Variants in PEX7 observed in about 807,000 individuals in gnomAD.
The protein encoded by PEX7 is PTS2 receptor.
PEX7 carries 34 observed loss-of-function variants against 47.5 expected under a neutral mutation model. The ratio of observed to expected loss-of-function variants is 0.72; its 90% CI spans 0.54 to 0.95. The LOEUF is 0.95. Ranked by LOEUF, PEX7 falls within the 40% of genes least tolerant of loss-of-function variation. The pLI is 0.00. For missense variants in PEX7, 394 were observed against 400.3 expected (o/e 0.98, Z 0.13); for synonymous variants, 141 against 148.8 (o/e 0.95, Z 0.38).
intron 5 of PEX7, among the ~76,000 whole-genome samples, chr6:136,847,059 T>C (rs1270854999): frequency 6.6e-6 from 1 of 152,246 alleles, no homozygotes; most frequent in Admixed American, 6.5e-5. Context: ...TGGTATCTCA[T>C]TGTGGTTTTG....
At chr6:136,873,104 A>T (rs1775210180) in intron 8 of PEX7, among the ~76,000 whole-genome samples, 1 of 152,020 alleles carries the variant, frequency 6.6e-6, no homozygotes, top group Non-Finnish European at 1.5e-5. Context: ...ATCCTTGTTG[A>T]TTTTGTCTAG....
At chr6:136,876,515 A>G (rs1042073254) in intron 8 of PEX7, among the ~76,000 whole-genome samples, 18 of 151,890 alleles carry the variant, frequency 1.2e-4, no homozygotes, top group East Asian at 9.7e-4. Context: ...AAAGGCCCCA[A>G]TGTGTGGTGT....
intron 8 of PEX7, among the ~76,000 whole-genome samples, chr6:136,881,186 A>T (rs1033850770): frequency 6.6e-6 from 1 of 152,326 alleles, no homozygotes; most frequent in Middle Eastern, 3.4e-3. Context: ...GAGGGAGTTC[A>T]TGTTGGAAAG....
chr6:136,875,935 C>T (rs1775262766), intron 8 of PEX7, among the ~76,000 whole-genome samples: 1 of 152,094 alleles, frequency 6.6e-6, no homozygotes, highest in South Asian at 2.1e-4. Context: ...TATGCCTTGT[C>T]TCATATCAGA....
chr6:136,911,526 C>T (rs1425830749), intron 9 of PEX7, among the ~76,000 whole-genome samples: 1 of 152,092 alleles, frequency 6.6e-6, no homozygotes, highest in African/African-American at 2.4e-5. Flanking sequence ...CCACCTCAGC[C>T]TCCCTAGTAG....
intron 5 of PEX7, among the ~76,000 whole-genome samples, chr6:136,864,315 T>TA (rs3041780): frequency 2.6e-5 from 4 of 150,990 alleles, no homozygotes; most frequent in Admixed American, 6.6e-5. Flanking sequence ...TTTTTTCTCA[T>TA]AAAAAAAAAA....
At chr6:136,872,369 G>T in intron 8 of PEX7, 116 bp downstream of exon 8, 1 of 780,540 alleles carries the variant, frequency 1.3e-6, no homozygotes, top group Non-Finnish European at 2.1e-6. Context: ...TCTGAGATGG[G>T]TACATTTAAA....
intron 8 of PEX7, among the ~76,000 whole-genome samples, chr6:136,895,364 A>G (rs1382994103): frequency 6.6e-6 from 1 of 152,188 alleles, no homozygotes; most frequent in African/African-American, 2.4e-5. Flanking sequence ...GTATTTAACA[A>G]TATTTTTGAT....
intron 5 of PEX7, among the ~76,000 whole-genome samples, chr6:136,852,879 C>G (rs1181908387): frequency 3.9e-5 from 4 of 102,546 alleles, no homozygotes; most frequent in Non-Finnish European, 2.0e-5. Flanking sequence ...AAGAACAAAG[C>G]TGGAGGCATC....
chr6:136,839,722 T>C (rs1774460962), intron 3 of PEX7, among the ~76,000 whole-genome samples: 1 of 152,208 alleles, frequency 6.6e-6, no homozygotes, highest in African/African-American at 2.4e-5. Flanking sequence ...ATAGAAGATG[T>C]GCTTTTCATT....
chr6:136,908,539 A>C (rs1415951350), intron 9 of PEX7, among the ~76,000 whole-genome samples: 1 of 152,144 alleles, frequency 6.6e-6, no homozygotes, highest in Non-Finnish European at 1.5e-5. Flanking sequence ...TAGGGATGAA[A>C]TGTACCACAG....
intron 3 of PEX7, among the ~76,000 whole-genome samples, chr6:136,840,938 C>T (rs1562732605): frequency 6.6e-6 from 1 of 152,088 alleles, no homozygotes; most frequent in African/African-American, 2.4e-5. Context: ...CTGCCCTTGT[C>T]ATTATTTTCT....
intron 1 of PEX7, among the ~76,000 whole-genome samples, chr6:136,824,051 C>T (rs1309755792): frequency 1.3e-5 from 2 of 152,118 alleles, no homozygotes; most frequent in African/African-American, 2.4e-5. Context: ...TTTTGTCCTA[C>T]AGCAGAAAAA....
chr6:136,847,438 G>T (rs1429346865), intron 5 of PEX7, among the ~76,000 whole-genome samples: 1 of 151,862 alleles, frequency 6.6e-6, no homozygotes, highest in African/African-American at 2.4e-5. Flanking sequence ...GTCCTGAATG[G>T]TATTGCCTAG....
intron 7 of PEX7, among the ~76,000 whole-genome samples, chr6:136,871,157 T>C (rs1775172968): frequency 6.6e-6 from 1 of 152,228 alleles, no homozygotes; most frequent in Non-Finnish European, 1.5e-5. Flanking sequence ...AGAGTGATTA[T>C]GAGAATGAAA....
intron 5 of PEX7, among the ~76,000 whole-genome samples, chr6:136,847,419 C>T (rs1363455243): frequency 7.9e-5 from 12 of 151,948 alleles, no homozygotes; most frequent in Admixed American, 2.6e-4. Context: ...AATCCTTGCC[C>T]ATGCCTATGT....
At chr6:136,891,466 G>A (rs1349664581) in intron 8 of PEX7, among the ~76,000 whole-genome samples, 1 of 152,092 alleles carries the variant, frequency 6.6e-6, no homozygotes, top group Non-Finnish European at 1.5e-5. Flanking sequence ...AATTGATCAT[G>A]TATTCTTCAT....
intron 3 of PEX7, among the ~76,000 whole-genome samples, chr6:136,835,902 G>A (rs1774377021): frequency 6.6e-6 from 1 of 152,166 alleles, no homozygotes; most frequent in African/African-American, 2.4e-5. Context: ...GAAAATGATA[G>A]TTTTAAATAG....
Position 136,872,185 on chromosome 6 carries a change from T to A in PEX7, c.748-13T>A, listed in dbSNP as rs756056338. 2 of 1,605,488 alleles carry A rather than the reference T, an allele frequency of 1.2e-6. No homozygotes were observed. The highest frequency in any genetic ancestry group is 2.2e-5 in the South Asian group (2 of 90,186). On this transcript the variant is annotated splice_polypyrimidine_tract_variant and intron_variant, in intron 7 of 9. Transcript: ENST00000318471. ...CTTCAAAAAGGGTTTTTTTTTTCTT[T>A]TTTTTTTTGTAGTTTTCACCATTTC...
Sources: allele counts gnomAD v4.1 joint callset (sites outside exome capture counted in the v4.1 genomes callset), GRCh38; gene constraint gnomAD v4.1.1; transcripts MANE v1.5; gene names NCBI Gene and HGNC (gene_info 2026-07-23, HGNC 2026-07-21).